Variants in TMEM74 observed in about 807,000 individuals in gnomAD.
The protein encoded by TMEM74 is transmembrane protein 74.
Under a neutral mutation model 18.1 loss-of-function variants are expected in TMEM74, and 13 were observed. The ratio of observed to expected loss-of-function variants is 0.72; its 90% CI spans 0.47 to 1.14. TMEM74 has a LOEUF of 1.14. Among genes scored for constraint, TMEM74 ranks in the 50% most tolerant of loss-of-function variants. The pLI is 0.00. For synonymous variants in TMEM74, 159 were observed against 146.6 expected (o/e 1.08, Z -0.61); for missense variants, 372 against 375.9 (o/e 0.99, Z 0.09).
chr8:108,709,697 A>G (rs979092141), intron 1 of TMEM74, among the ~76,000 whole-genome samples: 3 of 152,166 alleles, frequency 2.0e-5, no homozygotes, highest in African/African-American at 7.2e-5. Flanking sequence ...CTGCCAAAAC[A>G]AAACAAAATC....
intron 1 of TMEM74, among the ~76,000 whole-genome samples, chr8:108,754,671 C>G (rs551621053): frequency 1.3e-5 from 2 of 151,352 alleles, no homozygotes; most frequent in South Asian, 2.1e-4. Flanking sequence ...AGCTAGGTAG[C>G]TAGGTAGCTA....
chr8:108,613,204 G>C (rs1018896339), intron 2 of TMEM74, among the ~76,000 whole-genome samples: 11 of 152,004 alleles, frequency 7.2e-5, no homozygotes, highest in African/African-American at 2.4e-4. Flanking sequence ...TGAAGGACTG[G>C]GGAAAAAAAA....
intron 2 of TMEM74, among the ~76,000 whole-genome samples, chr8:108,646,975 G>T (rs1360330576): frequency 6.6e-6 from 1 of 152,010 alleles, no homozygotes; most frequent in Admixed American, 6.6e-5. Context: ...ATTATAGCTG[G>T]CTTTCTTGGT....
At chr8:108,756,821 G>A (rs946954851) in intron 1 of TMEM74, among the ~76,000 whole-genome samples, 5 of 151,512 alleles carry the variant, frequency 3.3e-5, no homozygotes, top group African/African-American at 1.2e-4. Context: ...AGGAAGGAAG[G>A]AAGGAAGGAA....
At chr8:108,732,100 T>C (rs576001845) in intron 1 of TMEM74, among the ~76,000 whole-genome samples, 1 of 152,214 alleles carries the variant, frequency 6.6e-6, no homozygotes, top group Non-Finnish European at 1.5e-5. Flanking sequence ...CAATACTTCC[T>C]TTAAAATGTC....
intron 1 of TMEM74, among the ~76,000 whole-genome samples, chr8:108,716,017 T>C (rs541028429): frequency 1.3e-5 from 2 of 151,942 alleles, no homozygotes; most frequent in Non-Finnish European, 2.9e-5. Flanking sequence ...GCAAATGACA[T>C]AGTATAAAAA....
chr8:108,749,165 G>GT (rs913052754), intron 1 of TMEM74, among the ~76,000 whole-genome samples: 16 of 58,180 alleles, frequency 2.8e-4, no homozygotes, highest in African/African-American at 5.6e-4. Context: ...AATAGTTGTT[G>GT]TTTTTTTTTC....
chr8:108,737,406 T>C (rs935113797), intron 1 of TMEM74, among the ~76,000 whole-genome samples: 23 of 152,342 alleles, frequency 1.5e-4, no homozygotes, highest in African/African-American at 5.5e-4. Context: ...AACATTTTCA[T>C]GTGCTCCAGA....
chr8:108,652,886 C>G, intron 2 of TMEM74: 1 of 503,356 alleles, frequency 2.0e-6, no homozygotes, highest in South Asian at 1.6e-5. Flanking sequence ...ATCTGCCTCA[C>G]TGGATTCACA....
chr8:108,624,363 T>C (rs995361418), intron 2 of TMEM74, among the ~76,000 whole-genome samples: 2 of 152,206 alleles, frequency 1.3e-5, no homozygotes, highest in African/African-American at 4.8e-5. Flanking sequence ...TCCAGAAGCT[T>C]CTAAAGGTTT....
chr8:108,752,043 TTGAATGAA>T lies in TMEM74; in HGVS notation n.119+35425_119+35432del, dbSNP rs4034229. ...GTGCCTGGGCAATCAATTAATGTTGTTGAATGAATGAATGAATGAATGAATGAATGACA... is the reference window on the plus strand; with the variant it reads ...GTGCCTGGGCAATCAATTAATGTTGTTGAATGAATGAATGAATGAATGACA... On this transcript the variant is annotated intron_variant and non_coding_transcript_variant, in intron 1 of 3. Transcript: ENST00000518838. Among the ~76,000 whole-genome samples the T allele has an allele frequency of 3.4e-3, 514 of 151,218 alleles. 3 individuals carry two copies. Among genetic ancestry groups the T allele is most frequent in the African/African-American group, 0.011 (462 of 41,082 alleles).
chr8:108,634,091 T>C (rs943031936), intron 2 of TMEM74, among the ~76,000 whole-genome samples: 1 of 151,916 alleles, frequency 6.6e-6, no homozygotes, highest in African/African-American at 2.4e-5. Flanking sequence ...ACATTTCCCA[T>C]GGGCATCAAG....
chr8:108,741,041 T>A (rs1713577333), intron 1 of TMEM74, among the ~76,000 whole-genome samples: 1 of 152,240 alleles, frequency 6.6e-6, no homozygotes, highest in African/African-American at 2.4e-5. Context: ...TGAAACAATA[T>A]AGATAATATC....
chr8:108,785,926 C>T (rs969514597), intron 1 of TMEM74, among the ~76,000 whole-genome samples: 1 of 152,156 alleles, frequency 6.6e-6, no homozygotes, highest in Non-Finnish European at 1.5e-5. Flanking sequence ...TACGGCAATC[C>T]CTGCAAAATA....
intron 1 of TMEM74, among the ~76,000 whole-genome samples, chr8:108,769,462 G>T (rs1272843249): frequency 1.3e-5 from 2 of 152,074 alleles, no homozygotes; most frequent in African/African-American, 4.8e-5. Context: ...CTCTGCCTCT[G>T]TTCTTTTCTC....
At chr8:108,665,990 C>A (rs939889562) in intron 1 of TMEM74, among the ~76,000 whole-genome samples, 2 of 152,056 alleles carry the variant, frequency 1.3e-5, no homozygotes, top group Admixed American at 1.3e-4. Context: ...ACTTACATTG[C>A]CAAAACAATT....
intron 2 of TMEM74, among the ~76,000 whole-genome samples, chr8:108,617,703 GC>G (rs1415945829): frequency 6.6e-6 from 1 of 152,088 alleles, no homozygotes; most frequent in Non-Finnish European, 1.5e-5. Context: ...AATATAAGGA[GC>G]CCTAGGGAGA....
intron 1 of TMEM74, among the ~76,000 whole-genome samples, chr8:108,714,513 G>C (rs963216553): frequency 6.6e-6 from 1 of 152,168 alleles, no homozygotes; most frequent in African/African-American, 2.4e-5. Flanking sequence ...GACTGACAAA[G>C]ATAGAAAATG....
At chr8:108,730,565 A>AT (rs1813683258) in intron 1 of TMEM74, among the ~76,000 whole-genome samples, 1 of 151,058 alleles carries the variant, frequency 6.6e-6, no homozygotes, top group Admixed American at 6.6e-5. Flanking sequence ...TTATATATTT[A>AT]TTCACCTTTT....
Sources: gnomAD v4.1 joint callset for allele counts (sites outside exome capture counted in the v4.1 genomes callset) on GRCh38, gnomAD v4.1.1 for gene constraint, MANE v1.5 for transcripts, NCBI Gene and HGNC (gene_info 2026-07-23, HGNC 2026-07-21) for gene names.